SLC26A11: variants seen among roughly 807,000 people sequenced by gnomAD.
The protein encoded by SLC26A11 is sodium-independent sulfate anion transporter.
Under a neutral mutation model 62.2 loss-of-function variants are expected in SLC26A11, and 58 were observed. That is an observed-to-expected ratio of 0.93 (90% confidence interval 0.76 to 1.16). The LOEUF is 1.16. Ranked by LOEUF, SLC26A11 falls within the 50% of genes most tolerant of loss-of-function variation. The pLI is 0.00. For synonymous variants in SLC26A11, 411 were observed against 368.9 expected (o/e 1.11, Z -1.31); for missense variants, 790 against 794.3 (o/e 0.99, Z 0.06).
chr17:80,247,565 G>C (rs879034797), intron 13 of SLC26A11, among the ~76,000 whole-genome samples: 25 of 152,360 alleles, frequency 1.6e-4, no homozygotes, highest in Middle Eastern at 3.4e-3. Context: ...CAGGTGAAAG[G>C]ATGGATAATT....
In SLC26A11 at chr17:80,246,776, C is replaced by T. The variant is rs914248485; in HGVS notation, c.1294+127C>T. ...TGGGACTGGGAAGTTAGGGCAGTCC[C>T]GGAACAGAGAAGTGGATGGCCAGGA... On this transcript the variant is annotated intron_variant, in intron 13 of 17. Coordinates refer to ENST00000361193, the MANE Select transcript of SLC26A11 (RefSeq NM_001166347.2). This position sits in a 1 kb window ranked among gnomAD's most constrained non-coding sequence, Gnocchi z 4.4. The T allele has an allele frequency of 6.2e-5, 79 of 1,279,060 alleles. No individual in the cohort carries two copies. Among genetic ancestry groups the T allele is most frequent in the Non-Finnish European group, 7.8e-5 (73 of 934,586 alleles). The allele number at this position is 1,279,060 out of a possible 1,614,324, so 79.2% of individuals were successfully genotyped here. A position where few individuals can be genotyped will look rare whatever the true frequency, so the allele number is the denominator to read the frequency against.
rs2042469762 is a variant in SLC26A11, at chr17:80,228,307, A to G, written c.736+347A>G. ...GCCACCACGCTCGACTGATTTTTGT[A>G]TTTATAGTAGAGACGGGGTTTCACC... On this transcript the variant is annotated intron_variant, in intron 7 of 17. Transcript: ENST00000361193. The surrounding 1 kb of genome is among the most constrained non-coding windows in gnomAD (Gnocchi z 4.1). Among the ~76,000 whole-genome samples the G allele has an allele frequency of 6.6e-6, 1 of 151,984 alleles. No homozygotes were observed. Among genetic ancestry groups the G allele is most frequent in the African/African-American group, 2.4e-5 (1 of 41,378 alleles).
chr17:80,233,277 G>T (rs898455834), intron 7 of SLC26A11, among the ~76,000 whole-genome samples: 3 of 150,168 alleles, frequency 2.0e-5, no homozygotes, highest in Non-Finnish European at 4.4e-5. Context: ...TGGTCTACAG[G>T]CATGCACCAC....
Position 80,248,579 on chromosome 17 carries a change from CAG to C in SLC26A11, c.1430_1431del (p.Glu477GlyfsTer86), listed in dbSNP as rs2043073608. On this transcript the variant is annotated frameshift_variant, in exon 15 of 18. Transcript: ENST00000361193. LOFTEE classifies it high-confidence loss of function. ...AGGACTCACTCCTCCCCACAGGTGT[CAG>C]AGGGGCCGGTTCTGGTCCTGCAGCC... 1.3e-6 allele frequency: 2 copies of C among 1,579,252 alleles called. No individual in the cohort carries two copies. Among genetic ancestry groups the C allele is most frequent in the Admixed American group, 1.8e-5 (1 of 55,534 alleles).
At position 80,228,775 on chromosome 17, in the gene SLC26A11, C is replaced by T. The variant is rs1370528172; in HGVS notation, c.736+815C>T. Among the ~76,000 whole-genome samples, 1 of 152,228 alleles carries T rather than the reference C, an allele frequency of 6.6e-6. No homozygotes were observed. The highest frequency in any genetic ancestry group is 1.5e-5 in the Non-Finnish European group (1 of 68,044). ...ACAGAACAAATTCCGGGGAGACCAA[C>T]AGGCTCTGTTTGAATTGTGCAGCTT... On this transcript the variant is annotated intron_variant, in intron 7 of 17. Transcript: ENST00000361193. This position sits in a 1 kb window ranked among gnomAD's most constrained non-coding sequence, Gnocchi z 4.1.
intron 10 of SLC26A11, 134 bp downstream of exon 10, chr17:80,241,955 A>G: frequency 2.1e-6 from 2 of 972,436 alleles, no homozygotes; most frequent in Non-Finnish European, 1.6e-6. Context: ...GTGGCCCCAG[A>G]TGGGATCTTC....
chr17:80,225,719 G>T, intron 5 of SLC26A11, 118 bp from the exon 6 acceptor site: 1 of 879,708 alleles, frequency 1.1e-6, no homozygotes, highest in Non-Finnish European at 1.8e-6. Flanking sequence ...GGGAATAAGG[G>T]TTGGGAGCAG....
At chr17:80,237,168 C>T in intron 8 of SLC26A11, 65 bp downstream of exon 8, 1 of 1,548,274 alleles carries the variant, frequency 6.5e-7, no homozygotes, top group Non-Finnish European at 8.7e-7. Flanking sequence ...CTGGCTCCTA[C>T]CCTGATGTAT....
intron 9 of SLC26A11, among the ~76,000 whole-genome samples, chr17:80,239,240 T>C (rs113910333): frequency 0.15 from 23,307 of 150,632 alleles, 2,753 homozygotes; most frequent in African/African-American, 0.33. Context: ...CCAACATGCC[T>C]GGCTAATTTT....
chr17:80,232,676 T>C (rs2042593996), intron 7 of SLC26A11, among the ~76,000 whole-genome samples: 2 of 152,256 alleles, frequency 1.3e-5, no homozygotes, highest in African/African-American at 4.8e-5. Context: ...TTATGCCATT[T>C]ATATTTAATG....
At chr17:80,220,700 CG>C (rs1238921789) in intron 1 of SLC26A11, among the ~76,000 whole-genome samples, 1 of 151,978 alleles carries the variant, frequency 6.6e-6, no homozygotes, top group Admixed American at 6.5e-5. Flanking sequence ...GGACCGCGGA[CG>C]GTCAGGTGGC....
At chr17:80,237,200 G>C in intron 8 of SLC26A11, 97 bp downstream of exon 8, 1 of 1,432,250 alleles carries the variant, frequency 7.0e-7, no homozygotes. Context: ...CAGGGGGTCT[G>C]AGGTCAGTTA....
Position 80,246,315 on chromosome 17 carries a change from G to A in SLC26A11, c.1153+106G>A, listed in dbSNP as rs959184813. 1.7e-5 allele frequency: 25 copies of A among 1,461,104 alleles called. No individual in the cohort carries two copies. Among genetic ancestry groups the A allele is most frequent in the Non-Finnish European group, 2.1e-5 (23 of 1,080,544 alleles). 90.5% of individuals were successfully genotyped at this position (1,461,104 alleles called of 1,614,324 possible). ...TTGGCTCATGGGCCGTGCGCCCCGGGACTGCACAGGGACTTGGGGGGCCAC... is the reference window on the plus strand; with the variant it reads ...TTGGCTCATGGGCCGTGCGCCCCGGAACTGCACAGGGACTTGGGGGGCCAC... On this transcript the variant is annotated intron_variant, in intron 12 of 17. Transcript: ENST00000361193. This position sits in a 1 kb window ranked among gnomAD's most constrained non-coding sequence, Gnocchi z 4.4.
chr17:80,248,176 G>A lies in SLC26A11; in HGVS notation c.1341G>A (p.Trp447Ter). The change falls in exon 14 of 18, where the codon TGG becomes TGA. Residue 447 changes from tryptophan to a stop codon, truncating the protein, a stop_gained. Coordinates refer to ENST00000361193, the MANE Select transcript of SLC26A11 (RefSeq NM_001166347.2). LOFTEE classifies it high-confidence loss of function. ...PLCVTFLLCFWEVQYGILAGA... is the reference protein window; with the variant it reads ...PLCVTFLLCF ...GCGTGACCTTCCTGCTGTGCTTCTG[G>A]GAGGTGCAGTACGGCATCCTGGCCG... 1 of 1,608,106 alleles carries A rather than the reference G, an allele frequency of 6.2e-7. No individual in the cohort carries two copies. The highest frequency in any genetic ancestry group is 8.5e-7 in the Non-Finnish European group (1 of 1,179,856).
chr17:80,249,584 C>T (rs2144985935), intron 16 of SLC26A11, among the ~76,000 whole-genome samples: 1 of 152,282 alleles, frequency 6.6e-6, no homozygotes, highest in African/African-American at 2.4e-5. Flanking sequence ...TCCCTGCTCT[C>T]AGGGGAATTG....
At position 80,236,989 on chromosome 17, in the gene SLC26A11, A is replaced by T. The variant is rs775377425; in HGVS notation, c.798A>T (p.Gly266=). Residue 266 remains glycine (G), a synonymous_variant, in exon 8 of 18, where the codon GGA becomes GGT. Transcript: ENST00000361193. ...ALVAYSFEVT[G]YQPFILTGET... The stretch of plus-strand genomic sequence containing the variant: ...TTGCGTACTCCTTCGAGGTGACTGG[A>T]TACCAGCCTTTCATCCTAACAGGGG... 4.3e-6 allele frequency: 7 copies of T among 1,613,968 alleles called. No individual in the cohort carries two copies. In the South Asian group the frequency reaches 7.7e-5, roughly 18 times the overall value.
chr17:80,236,895 A>G, intron 7 of SLC26A11, 33 bp from the exon 8 acceptor site: 3 of 1,584,176 alleles, frequency 1.9e-6, no homozygotes, highest in Non-Finnish European at 2.6e-6. Context: ...CGCCGGGAGC[A>G]GGGTCTCGGA....
Position 80,237,068 on chromosome 17 carries a change from G to C in SLC26A11, c.877G>C (p.Ala293Pro). The stretch of plus-strand genomic sequence containing the variant: ...GATCCCGCCCTTCTCAGTGACCACA[G>C]CCAACGGGACGATCTCCTTCACCGA... ...VRIPPFSVTT[A>P]NGTISFTEMV... Residue 293 changes from alanine (A) to proline (P), a missense_variant, in exon 8 of 18, where the codon GCC becomes CCC. Ala to Pro is a conservative substitution (Grantham distance 27). Transcript: ENST00000361193. 1 of 1,613,822 alleles carries C rather than the reference G, an allele frequency of 6.2e-7. No homozygotes were observed. Among genetic ancestry groups the C allele is most frequent in the Non-Finnish European group, 8.5e-7 (1 of 1,179,856 alleles).
intron 1 of SLC26A11, 33 bp downstream of exon 1, chr17:80,220,529 G>T: frequency 2.2e-6 from 1 of 445,082 alleles, no homozygotes; most frequent in Non-Finnish European, 3.9e-6. Flanking sequence ...CGGCGAGCGG[G>T]GACCAGGGGC....
Sources: allele counts gnomAD v4.1 joint callset (sites outside exome capture counted in the v4.1 genomes callset), GRCh38; gene constraint gnomAD v4.1.1; non-coding constraint Gnocchi (gnomAD v3.1); transcripts MANE v1.5; gene names NCBI Gene and HGNC (gene_info 2026-07-23, HGNC 2026-07-21).